GRAMD1C: variants seen among roughly 807,000 people sequenced by gnomAD.
The protein encoded by GRAMD1C is GRAM domain containing 1C.
In GRAMD1C, 89 loss-of-function variants were observed where a neutral mutation model predicts 97.8. The ratio of observed to expected loss-of-function variants is 0.91; its 90% confidence interval spans 0.77 to 1.09. The LOEUF (loss-of-function observed/expected upper bound fraction) is 1.09, where lower values mean the gene tolerates loss of function less well. Among genes scored for constraint, GRAMD1C ranks in the 50% least tolerant of loss-of-function variants. GRAMD1C has a pLI of 0.00. For synonymous variants in GRAMD1C, 256 were observed against 267.0 expected, an observed-to-expected ratio of 0.96 and a Z score of 0.40; for missense variants, 740 against 766.4, an observed-to-expected ratio of 0.97 and a Z score of 0.41.
chr3:113,838,865 G>A lies in GRAMD1C; in HGVS notation c.-45G>A. 2 of 1,221,658 alleles carry A rather than the reference G, an allele frequency of 1.6e-6. No individual in the cohort carries two copies. Among genetic ancestry groups the A allele is most frequent in the Non-Finnish European group, 2.0e-6 (2 of 978,410 alleles). The allele number at this position is 1,221,658 out of a possible 1,614,324, so 75.7% of individuals were successfully genotyped here. On this transcript the variant is annotated 5_prime_UTR_variant, in exon 1 of 18. In the 5' UTR this introduces an upstream ATG that the reference lacks. Coordinates refer to ENST00000358160, the MANE Select transcript of GRAMD1C (RefSeq NM_017577.5). The stretch of plus-strand genomic sequence containing the variant: ...CTGGAGGTGGGCGCGGGGCGGTGCG[G>A]TGCGGTGCGCGCGGGGCGGTGCCGC...
chr3:113,920,155 T>G (rs2107347884), intron 10 of GRAMD1C: 1 of 1,415,468 alleles, frequency 7.1e-7, no homozygotes, highest in African/African-American at 1.4e-5. Flanking sequence ...ACCAGTGATT[T>G]GAATCTCCAG....
At chr3:113,847,012 G>A (rs2107322065) in intron 2 of GRAMD1C, among the ~76,000 whole-genome samples, 1 of 152,254 alleles carries the variant, frequency 6.6e-6, no homozygotes, top group Non-Finnish European at 1.5e-5. Context: ...TGCTGATATA[G>A]CTGGTAATAG....
intron 6 of GRAMD1C, among the ~76,000 whole-genome samples, chr3:113,897,074 C>T (rs1935977443): frequency 6.6e-6 from 1 of 152,134 alleles, no homozygotes; most frequent in South Asian, 2.1e-4. Flanking sequence ...AATTATTCCA[C>T]CTGAACAGCT....
chr3:113,848,130 G>A (rs1407478695), intron 2 of GRAMD1C, among the ~76,000 whole-genome samples: 1 of 152,186 alleles, frequency 6.6e-6, no homozygotes, highest in African/African-American at 2.4e-5. Flanking sequence ...AATTTAGAGG[G>A]CAGCATGATA....
At chr3:113,852,333 GATAAAAAAGA>G (rs1933945984) in intron 2 of GRAMD1C, among the ~76,000 whole-genome samples, 1 of 151,976 alleles carries the variant, frequency 6.6e-6, no homozygotes, top group Non-Finnish European at 1.5e-5. Context: ...TTTGGTGACT[GATAAAAAAGA>G]ATAAACTCAT....
intron 1 of GRAMD1C, among the ~76,000 whole-genome samples, chr3:113,840,213 G>T (rs1299831312): frequency 1.3e-5 from 2 of 152,062 alleles, no homozygotes; most frequent in East Asian, 3.9e-4. Context: ...TGATCCGCCC[G>T]CCTCGGCCTC....
chr3:113,907,511 CT>C (rs149197486), intron 8 of GRAMD1C, among the ~76,000 whole-genome samples: 2 of 150,994 alleles, frequency 1.3e-5, no homozygotes, highest in South Asian at 2.1e-4. Context: ...AAGTTTAGCC[CT>C]TTTTTTTTCT....
At chr3:113,858,158 T>G (rs1047162010) in intron 2 of GRAMD1C, among the ~76,000 whole-genome samples, 1 of 152,168 alleles carries the variant, frequency 6.6e-6, no homozygotes, top group Non-Finnish European at 1.5e-5. Context: ...GAACTTAATT[T>G]CCTTAATTTG....
chr3:113,883,030 TAAATAA>T (rs1423216346), intron 6 of GRAMD1C, among the ~76,000 whole-genome samples, 198 bp downstream of exon 6: 1 of 151,274 alleles, frequency 6.6e-6, no homozygotes, highest in African/African-American at 2.4e-5. Context: ...ACCAAGAAAA[TAAATAA>T]AAATAAAAAA....
intron 2 of GRAMD1C, among the ~76,000 whole-genome samples, chr3:113,859,255 T>C (rs1200890536): frequency 6.6e-6 from 1 of 152,222 alleles, no homozygotes; most frequent in Non-Finnish European, 1.5e-5. Context: ...CCACAAATTT[T>C]GATATGTTAC....
rs2107395731 is a variant in GRAMD1C at position 113,946,424 on chromosome 3, A to T, written c.*946A>T. On this transcript the variant is annotated 3_prime_UTR_variant, in exon 18 of 18. Coordinates refer to ENST00000358160, the MANE Select transcript of GRAMD1C (RefSeq NM_017577.5). ...CATAGATTTTAGCTCTTTAATAAAA[A>T]CTTCAGGGGCACGTATGTCCCAGTA... is the stretch of plus-strand genomic sequence containing the variant. The T allele has an allele frequency of 6.6e-6, 1 of 152,366 alleles. No individual in the cohort carries two copies. The highest frequency in any genetic ancestry group is 2.1e-4 in the South Asian group (1 of 4,830). The allele number at this position is 152,366 out of a possible 1,614,324, so 9.4% of individuals were successfully genotyped here. A position where few individuals can be genotyped will look rare whatever the true frequency, so the allele number is the denominator to read the frequency against.
intron 10 of GRAMD1C, among the ~76,000 whole-genome samples, chr3:113,918,577 G>A (rs6794522): frequency 0.15 from 22,379 of 152,264 alleles, 1,758 homozygotes; most frequent in South Asian, 0.21. Flanking sequence ...AAACAGTTAT[G>A]AGTATGTTGC....
At chr3:113,864,201 C>T (rs757778040) in intron 2 of GRAMD1C, among the ~76,000 whole-genome samples, 2 of 152,120 alleles carry the variant, frequency 1.3e-5, no homozygotes, top group Non-Finnish European at 2.9e-5. Flanking sequence ...CAACCTCTGC[C>T]TCCTGGGTTC....
At chr3:113,836,785 A>G (rs1202648609), upstream of GRAMD1C, among the ~76,000 whole-genome samples, 1 of 151,972 alleles carries the variant, frequency 6.6e-6, no homozygotes, top group Non-Finnish European at 1.5e-5. Context: ...CTGAGATTAC[A>G]GGTGCTCACC....
chr3:113,871,053 CTAAAAA>C (rs1340769195), intron 3 of GRAMD1C, among the ~76,000 whole-genome samples: 1 of 141,870 alleles, frequency 7.0e-6, no homozygotes, highest in Non-Finnish European at 1.5e-5. Flanking sequence ...GAAAATATAA[CTAAAAA>C]TAAATGATTT....
intron 1 of GRAMD1C, among the ~76,000 whole-genome samples, chr3:113,842,974 A>G (rs1233294693): frequency 6.6e-6 from 1 of 150,988 alleles, no homozygotes; most frequent in Non-Finnish European, 1.5e-5. Flanking sequence ...AAAAAAAAAC[A>G]AAACAAAAAG....
intron 5 of GRAMD1C, among the ~76,000 whole-genome samples, chr3:113,882,092 T>C (rs1326303643): frequency 1.3e-5 from 2 of 152,188 alleles, no homozygotes; most frequent in African/African-American, 4.8e-5. Context: ...TATTTAGTGC[T>C]GTCTTGTTGC....
intron 10 of GRAMD1C, among the ~76,000 whole-genome samples, chr3:113,929,838 C>A (rs938534007): frequency 6.6e-6 from 1 of 152,104 alleles, no homozygotes; most frequent in Admixed American, 6.6e-5. Context: ...GCCTCACTTC[C>A]TTCCTTTGAT....
At chr3:113,900,410 A>ATTATTATTATTATTATTATTG (rs1936121542) in intron 6 of GRAMD1C, among the ~76,000 whole-genome samples, 1 of 40,964 alleles carries the variant, frequency 2.4e-5, no homozygotes, top group South Asian at 7.3e-4. Context: ...GTATGAACAA[A>ATTATTATTATTATTATTATTG]TTATTATTAT....
Sources: gnomAD v4.1 joint callset for allele counts (sites outside exome capture counted in the v4.1 genomes callset) on GRCh38, gnomAD v4.1.1 for gene constraint, MANE v1.5 for transcripts, NCBI Gene and HGNC (gene_info 2026-07-23, HGNC 2026-07-21) for gene names.